CABIN1: variants seen among roughly 807,000 people sequenced by gnomAD.
CABIN1 encodes calcineurin-binding protein cabin-1.
In CABIN1, 133 loss-of-function variants were observed where a neutral mutation model predicts 227.7. That is an observed-to-expected ratio of 0.58 (90% CI 0.51 to 0.67). The LOEUF (loss-of-function observed/expected upper bound fraction) is 0.67, where lower values mean the gene tolerates loss of function less well. Ranked by LOEUF, CABIN1 falls within the 30% of genes least tolerant of loss-of-function variation. CABIN1 has a pLI of 0.00. For missense variants in CABIN1, 2,408 were observed against 2,852.5 expected (o/e 0.84, Z 3.55); for synonymous variants, 1,086 against 1,155.1 (o/e 0.94, Z 1.21).
Position 24,171,802 on chromosome 22 carries a change from C to T in CABIN1, c.5847C>T (p.Asp1949=), listed in dbSNP as rs2046828157. The change falls in exon 34 of 37, where the codon GAC becomes GAT. Residue 1949 remains aspartate (D), a synonymous_variant. Transcript: ENST00000263119. ...FPVTVVPTAP[D]PVPADSVQRP... Reference sequence around the variant, plus strand: ...TGACAGTGGTGCCCACAGCCCCTGACCCTGTGCCAGCTGACTCTGTCCAGC... The same window carrying T: ...TGACAGTGGTGCCCACAGCCCCTGATCCTGTGCCAGCTGACTCTGTCCAGC... 2 of 1,614,066 alleles carry T rather than the reference C, an allele frequency of 1.2e-6. No individual in the cohort carries two copies. Among genetic ancestry groups the T allele is most frequent in the South Asian group, 1.1e-5 (1 of 91,094 alleles).
chr22:24,074,596 G>A (rs2040312875), intron 18 of CABIN1, among the ~76,000 whole-genome samples: 1 of 152,178 alleles, frequency 6.6e-6, no homozygotes, highest in Non-Finnish European at 1.5e-5. Context: ...TGAGGGAAGG[G>A]GCCCTGGGAT....
chr22:24,079,487 T>C (rs1217347340), intron 19 of CABIN1, among the ~76,000 whole-genome samples: 3 of 152,158 alleles, frequency 2.0e-5, no homozygotes, highest in Non-Finnish European at 4.4e-5. Flanking sequence ...CAGATTATTC[T>C]CCAAAATTAT....
intron 1 of CABIN1, among the ~76,000 whole-genome samples, chr22:24,011,963 T>C (rs912373352): frequency 6.6e-6 from 1 of 152,174 alleles, no homozygotes. Context: ...AGGACCTGGG[T>C]TATTACAGGT....
At chr22:24,067,445 G>A (rs1366850201) in intron 16 of CABIN1, among the ~76,000 whole-genome samples, 1 of 152,184 alleles carries the variant, frequency 6.6e-6, no homozygotes, top group Non-Finnish European at 1.5e-5. Context: ...GTGTGGCAGA[G>A]GAGGAAGGAA....
chr22:24,087,932 A>G (rs2041279182), intron 23 of CABIN1, among the ~76,000 whole-genome samples: 2 of 152,274 alleles, frequency 1.3e-5, no homozygotes, highest in Non-Finnish European at 2.9e-5. Flanking sequence ...CAAATTAGGG[A>G]CAGGCTGTTA....
Position 24,070,795 on chromosome 22 carries a change from A to G in CABIN1, c.2233-5A>G, listed in dbSNP as rs760153474. On this transcript the variant is annotated splice_polypyrimidine_tract_variant and splice_region_variant and intron_variant, in intron 16 of 36. Coordinates refer to ENST00000263119, the MANE Select transcript of CABIN1 (RefSeq NM_012295.4). Reference sequence around the variant, plus strand: ...TGCACTTCACCTGGCTTCTTGCTGTACTAGGACTCCTTGCTCCGGCTGAAG... The same window carrying G: ...TGCACTTCACCTGGCTTCTTGCTGTGCTAGGACTCCTTGCTCCGGCTGAAG... 1.2e-6 allele frequency: 2 copies of G among 1,614,122 alleles called. No homozygotes were observed. The highest frequency in any genetic ancestry group is 2.2e-5 in the East Asian group (1 of 44,880).
At chr22:24,058,764 A>G (rs2038981459) in intron 10 of CABIN1, among the ~76,000 whole-genome samples, 1 of 152,170 alleles carries the variant, frequency 6.6e-6, no homozygotes, top group African/African-American at 2.4e-5. Flanking sequence ...TGTCAGCATG[A>G]ACATTATCCC....
intron 1 of CABIN1, among the ~76,000 whole-genome samples, chr22:24,028,231 AC>A (rs2036240298): frequency 6.6e-6 from 1 of 152,214 alleles, no homozygotes; most frequent in African/African-American, 2.4e-5. Context: ...ACACTTACCA[AC>A]TTTCTTGACA....
chr22:24,042,055 G>A (rs904279039), intron 5 of CABIN1, among the ~76,000 whole-genome samples: 1 of 152,164 alleles, frequency 6.6e-6, no homozygotes, highest in Non-Finnish European at 1.5e-5. Context: ...AGGCTCAAAC[G>A]ATCCTCCGAC....
intron 6 of CABIN1, among the ~76,000 whole-genome samples, chr22:24,048,100 A>G (rs1299638466): frequency 6.6e-6 from 1 of 152,216 alleles, no homozygotes; most frequent in Admixed American, 6.5e-5. Flanking sequence ...TAACTTGAGG[A>G]TGCTCATTAT....
intron 1 of CABIN1, among the ~76,000 whole-genome samples, chr22:24,017,039 C>CTTTTTTTTT (rs767688741): frequency 8.2e-6 from 1 of 122,226 alleles, no homozygotes; most frequent in Non-Finnish European, 1.7e-5. Flanking sequence ...TACAATTTAT[C>CTTTTTTTTT]TTTTTTTTTT....
chr22:24,097,833 A>C (rs919731557), intron 25 of CABIN1, among the ~76,000 whole-genome samples, 181 bp from the exon 26 acceptor site: 1 of 152,196 alleles, frequency 6.6e-6, no homozygotes, highest in African/African-American at 2.4e-5. Flanking sequence ...TAGGAGCCAG[A>C]GCCTGTGTGG....
intron 28 of CABIN1, among the ~76,000 whole-genome samples, chr22:24,124,178 G>A (rs1386552465): frequency 6.6e-6 from 1 of 152,234 alleles, no homozygotes; most frequent in African/African-American, 2.4e-5. Flanking sequence ...TCCTCGATGA[G>A]AATGATAGTG....
In CABIN1 at chr22:24,049,134, G is replaced by A. The variant is rs752835566; in HGVS notation, c.570G>A (p.Arg190=). The change falls in exon 7 of 37, where the codon CGG becomes CGA. Residue 190 remains arginine, a synonymous_variant. Transcript: ENST00000263119. ...FICKALEKDC[R]YSKGLVLKEK... ...GCAAAGCTTTGGAGAAGGATTGCCG[G>A]TACAGCAAAGGGCTGGTCCTCAAGG... 1.9e-6 allele frequency: 3 copies of A among 1,614,122 alleles called. No homozygotes were observed. The highest frequency in any genetic ancestry group is 2.5e-6 in the Non-Finnish European group (3 of 1,180,018).
At position 24,160,138 on chromosome 22, in the gene CABIN1, A is replaced by T. The variant is rs538347344; in HGVS notation, c.4747-4262A>T. 1.1e-3 allele frequency among the ~76,000 whole-genome samples: 168 copies of T among 152,268 alleles called. 2 individuals carry two copies. Among genetic ancestry groups the T allele is most frequent in the African/African-American group, 3.9e-3 (163 of 41,558 alleles). ...CCTGAACTCAGTTTCCCTCTCTGGAAAATGAGGGGTGAGTTGATTACATAC... is the reference window on the plus strand; with the variant it reads ...CCTGAACTCAGTTTCCCTCTCTGGATAATGAGGGGTGAGTTGATTACATAC... On this transcript the variant is annotated intron_variant, in intron 29 of 36. Coordinates refer to ENST00000263119, the MANE Select transcript of CABIN1 (RefSeq NM_012295.4).
chr22:24,149,549 A>T (rs2045359940), intron 29 of CABIN1, among the ~76,000 whole-genome samples: 1 of 152,216 alleles, frequency 6.6e-6, no homozygotes, highest in Non-Finnish European at 1.5e-5. Flanking sequence ...AGGCCACATG[A>T]AGGAATCGTA....
At chr22:24,098,384 G>C in intron 26 of CABIN1, 192 bp downstream of exon 26, 1 of 1,262,754 alleles carries the variant, frequency 7.9e-7, no homozygotes, top group Non-Finnish European at 1.1e-6. Flanking sequence ...ACATGCTCAG[G>C]GTCGCCACCT....
At position 24,094,690 on chromosome 22, in the gene CABIN1, G is replaced by A. The variant is rs937836914; in HGVS notation, c.3787-1241G>A. ...AAATTAGCCGGGCGCGGTGGCGGGCGCCTGTAGTCCCAGCTACTCGGGAGG... is the reference window on the plus strand; with the variant it reads ...AAATTAGCCGGGCGCGGTGGCGGGCACCTGTAGTCCCAGCTACTCGGGAGG... On this transcript the variant is annotated intron_variant, in intron 24 of 36. Coordinates refer to ENST00000263119, the MANE Select transcript of CABIN1 (RefSeq NM_012295.4). Among the ~76,000 whole-genome samples the A allele has an allele frequency of 1.6e-4, 24 of 151,088 alleles. No homozygotes were observed. The South Asian group carries it at 2.5e-3, about 16-fold the overall frequency.
chr22:24,032,609 TAC>T (rs1402902248), intron 1 of CABIN1, among the ~76,000 whole-genome samples: 1 of 152,248 alleles, frequency 6.6e-6, no homozygotes, highest in Non-Finnish European at 1.5e-5. Context: ...ACCAGGAATG[TAC>T]AAAGACTCCA....
Sources: gnomAD v4.1 joint callset for allele counts (sites outside exome capture counted in the v4.1 genomes callset) on GRCh38, gnomAD v4.1.1 for gene constraint, MANE v1.5 for transcripts, NCBI Gene and HGNC (gene_info 2026-07-23, HGNC 2026-07-21) for gene names.